The following ALK variants were observed in gnomAD, a reference collection of about 807,000 sequenced individuals.
The protein encoded by ALK is ALK tyrosine kinase receptor.
In ALK, 74 loss-of-function variants were observed where a neutral mutation model predicts 163.1. That is an observed-to-expected ratio of 0.45 (90% confidence interval 0.38 to 0.55). The LOEUF (loss-of-function observed/expected upper bound fraction) is 0.55. ALK is among the 20% of genes least tolerant of loss of function. The probability of loss-of-function intolerance (pLI) is 0.00; values close to 1 mark genes in which losing one functional copy is unlikely to be tolerated. For missense variants in ALK, 2,063 were observed against 2,105.3 expected (o/e 0.98, Z 0.39); for synonymous variants, 960 against 843.2 (o/e 1.14, Z -2.40).
At chr2:29,328,103 A>T (rs1252477117) in intron 6 of ALK, among the ~76,000 whole-genome samples, 2 of 152,170 alleles carry the variant, frequency 1.3e-5, no homozygotes, top group African/African-American at 4.8e-5. Context: ...TGCCTTGAGG[A>T]TGCTGATAGC....
chr2:29,527,970 T>C (rs1673002995), intron 4 of ALK, among the ~76,000 whole-genome samples: 1 of 152,204 alleles, frequency 6.6e-6, no homozygotes, highest in Non-Finnish European at 1.5e-5. Context: ...AGGCAAGGCT[T>C]TGTGCTGAGA....
chr2:29,812,804 A>G (rs574138152), intron 1 of ALK, among the ~76,000 whole-genome samples: 14 of 152,318 alleles, frequency 9.2e-5, no homozygotes, highest in African/African-American at 3.1e-4. Context: ...TCACGTAGTC[A>G]TGCTCATGGA....
At chr2:29,909,476 C>CAGAG (rs1313074824) in intron 1 of ALK, among the ~76,000 whole-genome samples, 2 of 96,782 alleles carry the variant, frequency 2.1e-5, no homozygotes, top group South Asian at 7.9e-4. Flanking sequence ...GAGAGACAGA[C>CAGAG]AGACAGAGAG....
chr2:29,679,006 C>G (rs1443422246), intron 3 of ALK, among the ~76,000 whole-genome samples: 1 of 151,784 alleles, frequency 6.6e-6, no homozygotes, highest in African/African-American at 2.4e-5. Context: ...GTCTTGTTTC[C>G]CCTTTCAGTT....
At chr2:29,228,808 GAGGGCAGGGC>G in intron 16 of ALK, 66 bp downstream of exon 16, 1 of 941,310 alleles carries the variant, frequency 1.1e-6, no homozygotes, top group South Asian at 1.4e-5. Flanking sequence ...GAGGGCAGGG[GAGGGCAGGGC>G]AGGGAGGTGA....
At chr2:29,648,265 CAAA>C (rs1038200928) in intron 3 of ALK, among the ~76,000 whole-genome samples, 3 of 152,172 alleles carry the variant, frequency 2.0e-5, no homozygotes, top group Admixed American at 2.0e-4. Context: ...AGGCTTACAA[CAAA>C]ACACAGCTGC....
At position 29,479,602 on chromosome 2, in the gene ALK, A is replaced by G. The variant is rs2148117015; in HGVS notation, c.1154+52313T>C. Among the ~76,000 whole-genome samples, 2 of 152,342 alleles carry G rather than the reference A, an allele frequency of 1.3e-5. 1 individual carries two copies. The highest frequency in any genetic ancestry group is 4.1e-4 in the South Asian group (2 of 4,826). On this transcript the variant is annotated intron_variant, in intron 4 of 28. Coordinates refer to ENST00000389048, the MANE Select transcript of ALK (RefSeq NM_004304.5). ...GCAAATCTCCTTTAGGATAAATTGTAGCAATAAAGTGTTTGCATTTTCTTC... is the reference window on the plus strand; with the variant it reads ...GCAAATCTCCTTTAGGATAAATTGTGGCAATAAAGTGTTTGCATTTTCTTC...
intron 4 of ALK, among the ~76,000 whole-genome samples, chr2:29,446,633 G>A (rs570197042): frequency 5.9e-5 from 9 of 152,178 alleles, no homozygotes; most frequent in Non-Finnish European, 1.2e-4. Flanking sequence ...AAGCTGAGCT[G>A]CTATACAATG....
At chr2:29,880,809 G>T (rs1329724766) in intron 1 of ALK, among the ~76,000 whole-genome samples, 3 of 152,194 alleles carry the variant, frequency 2.0e-5, no homozygotes, top group Non-Finnish European at 4.4e-5. Flanking sequence ...ATAGCCATTG[G>T]CAAGATGGAG....
intron 1 of ALK, among the ~76,000 whole-genome samples, chr2:29,814,975 GAAAT>G (rs777303000): frequency 1.4e-4 from 14 of 98,960 alleles, no homozygotes; most frequent in African/African-American, 5.4e-4. Flanking sequence ...AATTTAATCT[GAAAT>G]GAATGAATGA....
intron 9 of ALK, among the ~76,000 whole-genome samples, chr2:29,282,409 G>A (rs566132502): frequency 5.3e-5 from 8 of 152,160 alleles, no homozygotes; most frequent in Non-Finnish European, 1.0e-4. Context: ...CTGATGGACC[G>A]CTTTGGATTC....
chr2:29,721,950 T>A (rs1274734835), intron 1 of ALK, among the ~76,000 whole-genome samples: 1 of 152,258 alleles, frequency 6.6e-6, no homozygotes, highest in East Asian at 1.9e-4. Flanking sequence ...CTAGATTGTC[T>A]TCACTACTCC....
Position 29,920,064 on chromosome 2 carries a change from C to A in ALK, c.596G>T (p.Gly199Val), listed in dbSNP as rs1292996434. The change falls in exon 1 of 29, where the codon GGC (glycine) becomes GTC (valine). Residue 199 changes from glycine to valine, a missense_variant. Physicochemically the swap from Gly to Val is moderately radical, Grantham distance 109 (BLOSUM62 -3). Coordinates refer to ENST00000389048, the MANE Select transcript of ALK (RefSeq NM_004304.5). Reference protein sequence around the residue: ...LMPEKKASEVGREGRLSAAIR... With the variant: ...LMPEKKASEVVREGRLSAAIR... ...TGCCGCGGACAGCCTTCCCTCTCTG[C>A]CCACTTCCGACGCCTTCTTCTCGGG... 1.9e-6 allele frequency: 3 copies of A among 1,614,092 alleles called. No homozygotes were observed. The highest frequency in any genetic ancestry group is 1.7e-5 in the Admixed American group (1 of 60,014).
intron 1 of ALK, among the ~76,000 whole-genome samples, chr2:29,862,502 T>A (rs753835332): frequency 2.4e-4 from 36 of 152,060 alleles, no homozygotes; most frequent in Non-Finnish European, 4.9e-4. Flanking sequence ...ATACTAATAA[T>A]GAACTATCTG....
At chr2:29,560,173 G>C (rs534248297) in intron 3 of ALK, among the ~76,000 whole-genome samples, 1 of 152,244 alleles carries the variant, frequency 6.6e-6, no homozygotes, top group South Asian at 2.1e-4. Flanking sequence ...TTATCAGTAC[G>C]TAATAGCCAA....
At chr2:29,405,803 T>C (rs1669567742) in intron 4 of ALK, among the ~76,000 whole-genome samples, 2 of 152,162 alleles carry the variant, frequency 1.3e-5, no homozygotes, top group Admixed American at 1.3e-4. Context: ...AAGATAGAAA[T>C]GATAGAAGAC....
Position 29,374,272 on chromosome 2 carries a change from C to T in ALK, c.1282+9460G>A, listed in dbSNP as rs145394629. 3.3e-5 allele frequency among the ~76,000 whole-genome samples: 5 copies of T among 152,242 alleles called. No individual in the cohort carries two copies. The South Asian group carries it at 8.3e-4, about 25-fold the overall frequency. On this transcript the variant is annotated intron_variant, in intron 5 of 28. Coordinates refer to ENST00000389048, the MANE Select transcript of ALK (RefSeq NM_004304.5). ...CCAAAAAACCTATAATTATGTATTT[C>T]CTGATGAGAAAATGAAAACTCATAG...
Position 29,831,099 on chromosome 2 carries a change from G to GA in ALK, c.667+88893dup, listed in dbSNP as rs1665388105. 1.1e-4 allele frequency among the ~76,000 whole-genome samples: 6 copies of GA among 52,646 alleles called. 1 individual carries two copies. The highest frequency in any genetic ancestry group is 5.6e-4 in the African/African-American group (6 of 10,628). 34.5% of individuals were successfully genotyped at this position (52,646 alleles called of 152,430 possible). On this transcript the variant is annotated intron_variant, in intron 1 of 28. Transcript: ENST00000389048. Reference sequence around the variant, plus strand: ...GGAGGAGGAGGAGGAGGAGGAGGAGGAGGAGGAGGAGAAGAAGAAGAAGAA... The same window carrying GA: ...GGAGGAGGAGGAGGAGGAGGAGGAGGAAGGAGGAGGAGAAGAAGAAGAAGAA...
intron 4 of ALK, among the ~76,000 whole-genome samples, chr2:29,410,640 G>C (rs1387590268): frequency 6.6e-6 from 1 of 152,196 alleles, no homozygotes; most frequent in African/African-American, 2.4e-5. Flanking sequence ...ACTGAATACT[G>C]TAGGCAAAGG....
Sources: allele counts gnomAD v4.1 joint callset (sites outside exome capture counted in the v4.1 genomes callset), GRCh38; gene constraint gnomAD v4.1.1; transcripts MANE v1.5; gene names NCBI Gene and HGNC (gene_info 2026-07-23, HGNC 2026-07-21).